Variants in BBS9 observed in about 807,000 individuals in gnomAD.
BBS9 encodes the protein protein PTHB1.
BBS9 carries 89 observed loss-of-function variants against 117.7 expected under a neutral mutation model. The observed-to-expected ratio is 0.76, with a 90% CI of 0.64 to 0.90. The LOEUF (loss-of-function observed/expected upper bound fraction) is 0.90, where lower values mean the gene tolerates loss of function less well. BBS9 is among the 40% of genes least tolerant of loss of function. BBS9 has a pLI of 0.00. For missense variants in BBS9, 982 were observed against 1,042.2 expected (o/e 0.94, Z 0.80); for synonymous variants, 379 against 370.9 (o/e 1.02, Z -0.25).
chr7:33,296,054 A>T (rs139620288), intron 9 of BBS9, among the ~76,000 whole-genome samples: 1,648 of 152,240 alleles, frequency 0.011, 18 homozygotes, highest in South Asian at 0.039. Flanking sequence ...TTAAACAACC[A>T]TGTAAAAATT....
chr7:33,486,168 C>A (rs919142145), intron 19 of BBS9, among the ~76,000 whole-genome samples: 8 of 151,966 alleles, frequency 5.3e-5, no homozygotes, highest in African/African-American at 1.9e-4. Flanking sequence ...TTTTTTTTCC[C>A]TCAGTCTAAA....
At chr7:33,431,207 C>CA (rs201562924) in intron 19 of BBS9, among the ~76,000 whole-genome samples, 2,006 of 111,056 alleles carry the variant, frequency 0.018, 19 homozygotes, top group South Asian at 0.052. Context: ...GACCCTGTCT[C>CA]AAAAAAAAAA....
chr7:33,494,883 T>C (rs531550454), intron 19 of BBS9, among the ~76,000 whole-genome samples: 3 of 152,298 alleles, frequency 2.0e-5, no homozygotes, highest in African/African-American at 7.2e-5. Flanking sequence ...AAAAATAACC[T>C]ACAGTTTACC....
chr7:33,517,547 C>T (rs976756437), intron 20 of BBS9, among the ~76,000 whole-genome samples: 3 of 152,206 alleles, frequency 2.0e-5, no homozygotes, highest in East Asian at 1.9e-4. Context: ...AGTGAGCACC[C>T]GTTGCCGCTC....
intron 21 of BBS9, among the ~76,000 whole-genome samples, chr7:33,579,478 G>A (rs917555289): frequency 3.3e-5 from 5 of 152,104 alleles, no homozygotes; most frequent in Non-Finnish European, 7.4e-5. Context: ...GGAAGGTTTG[G>A]CCCGGCGTGT....
At chr7:33,156,407 C>T (rs922839393) in intron 4 of BBS9, among the ~76,000 whole-genome samples, 1 of 152,126 alleles carries the variant, frequency 6.6e-6, no homozygotes, top group African/African-American at 2.4e-5. Flanking sequence ...AACTAAGTGT[C>T]TGTGAGGCTG....
At chr7:33,520,208 T>C (rs62449368) in intron 20 of BBS9, among the ~76,000 whole-genome samples, 1 of 151,956 alleles carries the variant, frequency 6.6e-6, no homozygotes, top group East Asian at 1.9e-4. Flanking sequence ...AAAACGAGGG[T>C]TCACCGTCTT....
chr7:33,273,767 GATATACTTTTCC>G, intron 8 of BBS9, 48 bp from the exon 9 acceptor site: 1 of 1,513,700 alleles, frequency 6.6e-7, no homozygotes, highest in South Asian at 1.1e-5. Context: ...TCCTAAAAGA[GATATACTTTTCC>G]AAATGACTGT....
intron 1 of BBS9, among the ~76,000 whole-genome samples, chr7:33,133,556 T>C (rs1262344731): frequency 6.6e-6 from 1 of 152,258 alleles, no homozygotes; most frequent in East Asian, 1.9e-4. Flanking sequence ...AGCATGTTTT[T>C]AAGAGCCAGA....
At chr7:33,437,318 CA>C (rs1563175670) in intron 19 of BBS9, among the ~76,000 whole-genome samples, 2 of 152,184 alleles carry the variant, frequency 1.3e-5, no homozygotes, top group African/African-American at 4.8e-5. Context: ...GCTCCCACAC[CA>C]GTCTTCTTTC....
At chr7:33,545,687 G>T (rs1007711987) in intron 21 of BBS9, among the ~76,000 whole-genome samples, 1 of 151,956 alleles carries the variant, frequency 6.6e-6, no homozygotes, top group Non-Finnish European at 1.5e-5. Flanking sequence ...CTGCAATCTA[G>T]TCCTGCCTCC....
At chr7:33,247,176 G>A (rs1046918791) in intron 5 of BBS9, among the ~76,000 whole-genome samples, 11 of 152,070 alleles carry the variant, frequency 7.2e-5, no homozygotes, top group Non-Finnish European at 1.6e-4. Context: ...TCAATTTTAA[G>A]TTTGGTCTAT....
intron 19 of BBS9, among the ~76,000 whole-genome samples, chr7:33,426,836 T>G (rs1833730073): frequency 6.6e-6 from 1 of 152,172 alleles, no homozygotes; most frequent in South Asian, 2.1e-4. Flanking sequence ...CTGTGCATCT[T>G]GTGAGCGGAG....
chr7:33,622,978 G>A (rs1562539397), intron 21 of BBS9, among the ~76,000 whole-genome samples: 2 of 152,202 alleles, frequency 1.3e-5, no homozygotes, highest in East Asian at 3.8e-4. Context: ...AGGAACACAT[G>A]TAGGAGAATG....
At chr7:33,596,754 A>T (rs147803719) in intron 21 of BBS9, among the ~76,000 whole-genome samples, 6 of 152,098 alleles carry the variant, frequency 3.9e-5, no homozygotes, top group Non-Finnish European at 5.9e-5. Context: ...GTAGAAGTGC[A>T]TACACAGAAA....
At chr7:33,422,836 T>C (rs954705788) in intron 19 of BBS9, among the ~76,000 whole-genome samples, 13 of 152,146 alleles carry the variant, frequency 8.5e-5, no homozygotes, top group African/African-American at 2.7e-4. Context: ...TCTCAAACTC[T>C]TGGCCTCAAG....
intron 6 of BBS9, among the ~76,000 whole-genome samples, chr7:33,259,717 A>C (rs1257418351): frequency 6.6e-6 from 1 of 151,860 alleles, no homozygotes; most frequent in Admixed American, 6.6e-5. Context: ...CTTTGGTACC[A>C]CTGTTCTCTG....
At chr7:33,199,161 C>G (rs1403384586) in intron 5 of BBS9, among the ~76,000 whole-genome samples, 1 of 151,886 alleles carries the variant, frequency 6.6e-6, no homozygotes, top group Non-Finnish European at 1.5e-5. Context: ...TCATTCATCC[C>G]TTATTCTTTC....
chr7:33,534,745 G>C (rs917144488), intron 21 of BBS9, among the ~76,000 whole-genome samples: 7 of 152,152 alleles, frequency 4.6e-5, no homozygotes, highest in Non-Finnish European at 8.8e-5. Flanking sequence ...TGGGCACCCA[G>C]GGCTGTCCTT....
Sources: gnomAD v4.1 joint callset for allele counts (sites outside exome capture counted in the v4.1 genomes callset) on GRCh38, gnomAD v4.1.1 for gene constraint, MANE v1.5 for transcripts, NCBI Gene and HGNC (gene_info 2026-07-23, HGNC 2026-07-21) for gene names.